PCDHAC1: variants seen among roughly 807,000 people sequenced by gnomAD.
The protein encoded by PCDHAC1 is protocadherin alpha-C1.
Under a neutral mutation model 60.0 loss-of-function variants are expected in PCDHAC1, and 42 were observed. The observed-to-expected ratio is 0.70, with a 90% CI of 0.55 to 0.90. The LOEUF is 0.90. Among genes scored for constraint, PCDHAC1 ranks in the 40% least tolerant of loss-of-function variants. PCDHAC1 has a pLI of 0.00. For missense variants in PCDHAC1, 1,160 were observed against 1,222.3 expected (o/e 0.95, Z 0.76); for synonymous variants, 468 against 499.3 (o/e 0.94, Z 0.84).
rs782119738 is a variant in PCDHAC1, at chr5:140,927,224, G to A, written c.332G>A (p.Arg111Gln). ...GACCCGCTGGAGCTGCACAAGATTC[G>A]GATTCACGTCCTGGACACCAATGAC... ...LEDPLELHKIRIHVLDTNDNS... is the reference protein window; with the variant it reads ...LEDPLELHKIQIHVLDTNDNS... Residue 111 changes from arginine to glutamine, a missense_variant, in exon 1 of 4, where the codon CGG becomes CAG. Arg to Gln is a conservative substitution (Grantham distance 43). Coordinates refer to ENST00000253807, the MANE Select transcript of PCDHAC1 (RefSeq NM_018898.5). 3 of 1,614,072 alleles carry A rather than the reference G, an allele frequency of 1.9e-6. No homozygotes were observed. The South Asian group carries it at 3.3e-5, about 18-fold the overall frequency.
rs199976895 is a variant in PCDHAC1 at position 140,968,276 on chromosome 5, G to T, written c.2434-10673G>T. The T allele has an allele frequency of 9.2e-5, 148 of 1,613,952 alleles. No homozygotes were observed. Among genetic ancestry groups the T allele is most frequent in the Admixed American group, 5.5e-4 (33 of 60,008 alleles). On this transcript the variant is annotated intron_variant, in intron 1 of 3. Transcript: ENST00000253807. ...CCCAGATGAAAAGGAGAATGCAGAGGTGACCTACTCCCTTCTGGAGAGGGA... is the reference window on the plus strand; with the variant it reads ...CCCAGATGAAAAGGAGAATGCAGAGTTGACCTACTCCCTTCTGGAGAGGGA...
At chr5:140,976,518 A>G (rs2096720750) in intron 1 of PCDHAC1, among the ~76,000 whole-genome samples, 1 of 152,070 alleles carries the variant, frequency 6.6e-6, no homozygotes, top group Admixed American at 6.6e-5. Flanking sequence ...GCCACTGCAC[A>G]CCAGCCTAAA....
intron 3 of PCDHAC1, among the ~76,000 whole-genome samples, chr5:140,998,871 A>C (rs1554256499): frequency 6.6e-6 from 1 of 152,200 alleles, no homozygotes; most frequent in African/African-American, 2.4e-5. Flanking sequence ...CTTGTAAATA[A>C]TAAGTTTAGT....
At chr5:140,941,063 TG>T (rs1554213711) in intron 1 of PCDHAC1, among the ~76,000 whole-genome samples, 2 of 152,194 alleles carry the variant, frequency 1.3e-5, no homozygotes, top group East Asian at 3.8e-4. Context: ...AGCAGTTTTC[TG>T]GGCTGGAGAG....
intron 3 of PCDHAC1, among the ~76,000 whole-genome samples, chr5:141,003,251 C>T (rs1240561091): frequency 6.6e-6 from 1 of 152,176 alleles, no homozygotes; most frequent in Admixed American, 6.5e-5. Flanking sequence ...AAAAAGATTC[C>T]TGGGCAGTGC....
intron 1 of PCDHAC1, chr5:140,966,695 C>G: frequency 7.4e-7 from 1 of 1,358,486 alleles, no homozygotes; most frequent in Non-Finnish European, 9.5e-7. Flanking sequence ...AGGCGGGGCC[C>G]GGGCGTGGGG....
rs782440521 is a variant in PCDHAC1 at position 140,929,236 on chromosome 5, A to C, written c.2344A>C (p.Asn782His). ...GGAGTACAATGCTGCCGACCTGCGA[A>C]ATCTTGCCACTGGGGTAGGACTGAA... ...RGEYNAADLRNLATGVGLNLP... is the reference protein window; with the variant it reads ...RGEYNAADLRHLATGVGLNLP... Residue 782 changes from asparagine to histidine, a missense_variant, in exon 1 of 4, where the codon AAT (asparagine) becomes CAT (histidine). Coordinates refer to ENST00000253807, the MANE Select transcript of PCDHAC1 (RefSeq NM_018898.5). 3.1e-6 allele frequency: 5 copies of C among 1,613,890 alleles called. No individual in the cohort carries two copies. The highest frequency in any genetic ancestry group is 3.4e-6 in the Non-Finnish European group (4 of 1,179,834).
chr5:140,932,002 T>G (rs1305093438), intron 1 of PCDHAC1, among the ~76,000 whole-genome samples: 1 of 151,956 alleles, frequency 6.6e-6, no homozygotes, highest in East Asian at 1.9e-4. Flanking sequence ...CTAAGTTCTT[T>G]CATTTTAGTT....
At position 141,011,610 on chromosome 5, in the gene PCDHAC1, A is replaced by G. The variant is rs1259686391; in HGVS notation, c.*1673A>G. ...ACTGGTGATTCAAGGAATTTTATTT[A>G]TGGTCCAGCCAAGAGCCATCTCGTG... On this transcript the variant is annotated 3_prime_UTR_variant, in exon 4 of 4. Transcript: ENST00000253807. 6 of 153,722 alleles carry G rather than the reference A, an allele frequency of 3.9e-5. No individual in the cohort carries two copies. Among genetic ancestry groups the G allele is most frequent in the African/African-American group, 1.2e-4 (5 of 41,448 alleles). 9.5% of individuals were successfully genotyped at this position (153,722 alleles called of 1,614,324 possible). A position where few individuals can be genotyped will look rare whatever the true frequency, so the allele number is the denominator to read the frequency against.
rs1554244455 is a variant in PCDHAC1 at position 140,982,542 on chromosome 5, A to G, written c.2560A>G (p.Thr854Ala). The G allele has an allele frequency of 1.9e-6, 3 of 1,614,210 alleles. No homozygotes were observed. The highest frequency in any genetic ancestry group is 2.2e-5 in the East Asian group (1 of 44,888). Residue 854 changes from threonine (T) to alanine (A), a missense_variant, in exon 3 of 4, where the codon ACA becomes GCA. Transcript: ENST00000253807. ...GPGGPDQQWP[T>A]VSSATPEPEA... ...AGGAGGGCCTGATCAGCAGTGGCCA[A>G]CAGTATCCAGTGCAACACCAGGTAA...
At chr5:140,982,041 A>C (rs1450726743) in intron 2 of PCDHAC1, among the ~76,000 whole-genome samples, 2 of 152,268 alleles carry the variant, frequency 1.3e-5, no homozygotes, top group Non-Finnish European at 2.9e-5. Context: ...TCCAATTATC[A>C]GAAAATATTT....
chr5:140,976,486 G>C (rs782708902), intron 1 of PCDHAC1, among the ~76,000 whole-genome samples: 1 of 152,078 alleles, frequency 6.6e-6, no homozygotes, highest in Non-Finnish European at 1.5e-5. Flanking sequence ...GGGAGGCAGA[G>C]GTTGCAGGGA....
At chr5:140,937,370 TTATG>T (rs2091504322) in intron 1 of PCDHAC1, among the ~76,000 whole-genome samples, 1 of 152,120 alleles carries the variant, frequency 6.6e-6, no homozygotes, top group South Asian at 2.1e-4. Flanking sequence ...ATCTTAATGT[TTATG>T]TGTGTGTATG....
chr5:140,927,137 A>T lies in PCDHAC1; in HGVS notation c.245A>T (p.Asp82Val). Residue 82 changes from aspartate (D) to valine (V), a missense_variant, in exon 1 of 4, where the codon GAC becomes GTC. Asp to Val is a radical substitution (Grantham distance 152). Around this residue, in one of 3 missense-constraint regions of PCDHAC1, gnomAD observed 1,113 missense variants for 1,163.7 expected, o/e 0.96. Transcript: ENST00000253807. ...SGNLVVREPA[D>V]REQLCRAKAA... The stretch of plus-strand genomic sequence containing the variant: ...AATTTGGTGGTCAGAGAGCCGGCGG[A>T]CCGCGAACAGCTGTGCAGGGCCAAA... The T allele has an allele frequency of 6.2e-7, 1 of 1,614,052 alleles. No homozygotes were observed. The highest frequency in any genetic ancestry group is 8.5e-7 in the Non-Finnish European group (1 of 1,179,986).
intron 1 of PCDHAC1, among the ~76,000 whole-genome samples, chr5:140,962,145 G>A (rs1195781182): frequency 3.3e-5 from 5 of 152,074 alleles, no homozygotes; most frequent in Non-Finnish European, 7.4e-5. Flanking sequence ...AAAGTGCTGG[G>A]ATTACAGGCG....
At chr5:140,986,461 C>A (rs1554248079) in intron 3 of PCDHAC1, among the ~76,000 whole-genome samples, 1 of 152,154 alleles carries the variant, frequency 6.6e-6, no homozygotes. Flanking sequence ...TTAATGAATG[C>A]CCTCTTGTGA....
intron 1 of PCDHAC1, among the ~76,000 whole-genome samples, chr5:140,972,181 AC>A: frequency 6.6e-6 from 1 of 152,234 alleles, no homozygotes; most frequent in Admixed American, 6.5e-5. Flanking sequence ...TTGGCCTGTC[AC>A]CCAGGCTGGA....
intron 1 of PCDHAC1, among the ~76,000 whole-genome samples, chr5:140,957,549 C>T (rs563057107): frequency 6.6e-6 from 1 of 152,038 alleles, no homozygotes; most frequent in South Asian, 2.1e-4. Flanking sequence ...AAAGTATTCT[C>T]TGTGGAAAAG....
intron 1 of PCDHAC1, among the ~76,000 whole-genome samples, chr5:140,962,475 T>C (rs772721001): frequency 2.0e-5 from 3 of 152,232 alleles, no homozygotes; most frequent in Non-Finnish European, 4.4e-5. Context: ...TCTCTTTGTT[T>C]ATTCTAAGCA....
Sources: allele counts gnomAD v4.1 joint callset (sites outside exome capture counted in the v4.1 genomes callset), GRCh38; gene constraint gnomAD v4.1.1; regional missense constraint gnomAD v4.1.1; transcripts MANE v1.5; gene names NCBI Gene and HGNC (gene_info 2026-07-23, HGNC 2026-07-21).